ZMAT3: variants seen among roughly 807,000 people sequenced by gnomAD.
ZMAT3 encodes the protein zinc finger matrin-type protein 3.
In ZMAT3, 17 loss-of-function variants were observed where a neutral mutation model predicts 32.3. That is an observed-to-expected ratio of 0.53 (90% confidence interval 0.36 to 0.79). ZMAT3 has a LOEUF of 0.79. Ranked by LOEUF, ZMAT3 falls within the 30% of genes least tolerant of loss-of-function variation. The pLI is 0.00. For missense variants in ZMAT3, 329 were observed against 359.7 expected (o/e 0.91, Z 0.69); for synonymous variants, 120 against 133.1 (o/e 0.90, Z 0.68).
Position 179,027,741 on chromosome 3 carries a change from G to A in ZMAT3, c.462C>T (p.Ala154=), listed in dbSNP as rs764726218. The change falls in exon 4 of 6, where the codon GCC becomes GCT. Residue 154 remains alanine (A), a synonymous_variant. Coordinates refer to ENST00000311417, the MANE Select transcript of ZMAT3 (RefSeq NM_022470.4). ...TENDYCKLCD[A]SFSSPAVAQA... ...GAGCCACAGCTGGGGAACTGAAGGA[G>A]GCATCACAGAGCTTACAGTAATCAT... is the stretch of plus-strand genomic sequence containing the variant. 3.2e-5 allele frequency: 52 copies of A among 1,614,022 alleles called. No homozygotes were observed. Among genetic ancestry groups the A allele is most frequent in the Non-Finnish European group, 4.1e-5 (48 of 1,180,036 alleles).
At chr3:179,047,698 C>CAAA (rs61484439) in intron 2 of ZMAT3, among the ~76,000 whole-genome samples, 143 of 147,490 alleles carry the variant, frequency 9.7e-4, no homozygotes, top group African/African-American at 3.0e-3. Flanking sequence ...ACTAAAAATA[C>CAAA]AAAAAAAAAA....
intron 2 of ZMAT3, 101 bp from the exon 3 acceptor site, chr3:179,031,100 T>G: frequency 9.6e-7 from 1 of 1,037,010 alleles, no homozygotes; most frequent in South Asian, 2.1e-5. Context: ...TATTAAGATA[T>G]TTTGAGAGAG....
chr3:179,043,765 C>G (rs1355224336), intron 2 of ZMAT3, among the ~76,000 whole-genome samples: 1 of 152,158 alleles, frequency 6.6e-6, no homozygotes, highest in East Asian at 1.9e-4. Flanking sequence ...GCAAAAGAAA[C>G]TACCATCAGA....
At chr3:179,065,862 C>T (rs1032845576) in intron 2 of ZMAT3, among the ~76,000 whole-genome samples, 6 of 151,936 alleles carry the variant, frequency 3.9e-5, no homozygotes, top group South Asian at 2.1e-4. Flanking sequence ...GCCAAGATCG[C>T]GCCACTGCAC....
chr3:179,049,724 T>A (rs921092972), intron 2 of ZMAT3, among the ~76,000 whole-genome samples: 1 of 152,018 alleles, frequency 6.6e-6, no homozygotes, highest in African/African-American at 2.4e-5. Context: ...TGGGCATGGT[T>A]GCTCATGCCT....
rs184025836 is a variant in ZMAT3, at chr3:179,056,933, G to A, written c.270+10550C>T. Among the ~76,000 whole-genome samples the A allele has an allele frequency of 5.9e-5, 9 of 152,304 alleles. No homozygotes were observed. In the East Asian group the frequency reaches 1.7e-3, roughly 29 times the overall value. ...GGGGCCATTATACACCTGAACATAG[G>A]AGAAGGAACACCCATTTGTTGTCCC... is the stretch of plus-strand genomic sequence containing the variant. On this transcript the variant is annotated intron_variant, in intron 2 of 5. Transcript: ENST00000311417.
chr3:179,058,688 G>A (rs61798201), intron 2 of ZMAT3, among the ~76,000 whole-genome samples: 36 of 150,764 alleles, frequency 2.4e-4, no homozygotes, highest in Non-Finnish European at 3.9e-4. Context: ...CCCGGGAGGC[G>A]GAGCTTGCAG....
intron 2 of ZMAT3, among the ~76,000 whole-genome samples, chr3:179,043,463 G>A (rs942929750): frequency 7.2e-5 from 11 of 152,130 alleles, no homozygotes; most frequent in African/African-American, 2.4e-4. Context: ...ACAAAAACAA[G>A]AAATGGGGAA....
At chr3:179,032,954 T>C (rs1305522150) in intron 2 of ZMAT3, among the ~76,000 whole-genome samples, 2 of 150,172 alleles carry the variant, frequency 1.3e-5, no homozygotes, top group Non-Finnish European at 3.0e-5. Flanking sequence ...TTGAGGAGCC[T>C]CTCTGCCCGG....
At chr3:179,039,667 C>A (rs996775432) in intron 2 of ZMAT3, among the ~76,000 whole-genome samples, 5 of 152,150 alleles carry the variant, frequency 3.3e-5, no homozygotes, top group Non-Finnish European at 5.9e-5. Context: ...ATCAGAGTGC[C>A]TCCTCTCCAA....
chr3:179,063,811 C>G (rs1033363560), intron 2 of ZMAT3, among the ~76,000 whole-genome samples: 4 of 152,076 alleles, frequency 2.6e-5, no homozygotes, highest in Admixed American at 2.0e-4. Context: ...ATATCCAAAG[C>G]CCTAATTTTA....
intron 2 of ZMAT3, among the ~76,000 whole-genome samples, chr3:179,038,865 C>T (rs139185957): frequency 7.9e-4 from 120 of 152,354 alleles, no homozygotes; most frequent in East Asian, 3.5e-3. Context: ...CCAAATACTG[C>T]GCTTTTCCCA....
chr3:179,066,222 A>AG, intron 2 of ZMAT3, among the ~76,000 whole-genome samples: 1 of 152,284 alleles, frequency 6.6e-6, no homozygotes, highest in Middle Eastern at 3.4e-3. Context: ...TACTGGGGAA[A>AG]GGGGGAAAAC....
Position 179,025,172 on chromosome 3 carries a change from A to T in ZMAT3, c.715T>A (p.Cys239Ser). The T allele has an allele frequency of 6.2e-7, 1 of 1,614,216 alleles. No individual in the cohort carries two copies. The highest frequency in any genetic ancestry group is 8.5e-7 in the Non-Finnish European group (1 of 1,180,034). The change falls in exon 6 of 6, where the codon TGT becomes AGT. Residue 239 changes from cysteine to serine, a missense_variant. Cys to Ser is a moderately radical substitution (Grantham distance 112). Transcript: ENST00000311417. ...RQRIPRDLAMCVTPSGQFYCS... is the reference protein window; with the variant it reads ...RQRIPRDLAMSVTPSGQFYCS... ...TAAAACTGGCCACTTGGAGTAACACACATGGCCAGATCACGTGGAATTCTC... is the reference window on the plus strand; with the variant it reads ...TAAAACTGGCCACTTGGAGTAACACTCATGGCCAGATCACGTGGAATTCTC...
Position 179,071,692 on chromosome 3 carries a change from GC to G in ZMAT3, c.-156del, listed in dbSNP as rs1173382450. The G allele has an allele frequency of 1.3e-5, 2 of 152,666 alleles. No homozygotes were observed. The highest frequency in any genetic ancestry group is 6.5e-5 in the Admixed American group (1 of 15,280). 9.5% of individuals were successfully genotyped at this position (152,666 alleles called of 1,614,324 possible). On this transcript the variant is annotated 5_prime_UTR_variant, in exon 1 of 6. Transcript: ENST00000311417. Reference sequence around the variant, plus strand: ...GCCCGGCTCGGCCCAGCTCGACCCAGCCTCTTCTCGGAGCAACTTTCTCCGC... The same window carrying G: ...GCCCGGCTCGGCCCAGCTCGACCCAGCTCTTCTCGGAGCAACTTTCTCCGC...
chr3:179,051,290 T>C (rs1720542424), intron 2 of ZMAT3, among the ~76,000 whole-genome samples: 1 of 152,158 alleles, frequency 6.6e-6, no homozygotes, highest in African/African-American at 2.4e-5. Context: ...TTCAGCAAAG[T>C]TTTAGGATAC....
At chr3:179,055,225 C>T (rs551955509) in intron 2 of ZMAT3, among the ~76,000 whole-genome samples, 137 of 152,186 alleles carry the variant, frequency 9.0e-4, no homozygotes, top group East Asian at 1.5e-3. Flanking sequence ...AAGAAAGAAA[C>T]GATTTATATT....
intron 3 of ZMAT3, 60 bp downstream of exon 3, chr3:179,030,820 C>T: frequency 6.4e-7 from 1 of 1,565,142 alleles, no homozygotes; most frequent in South Asian, 1.2e-5. Flanking sequence ...CATCTATAAC[C>T]ATTTGTGCAT....
Position 179,020,021 on chromosome 3 carries a change from G to C in ZMAT3, c.*4996C>G, listed in dbSNP as rs757828525. 2.6e-5 allele frequency: 4 copies of C among 152,008 alleles called. No individual in the cohort carries two copies. The highest frequency in any genetic ancestry group is 4.4e-5 in the Non-Finnish European group (3 of 68,018). 9.4% of individuals were successfully genotyped at this position (152,008 alleles called of 1,614,324 possible). A position where few individuals can be genotyped will look rare whatever the true frequency, so the allele number is the denominator to read the frequency against. ...TTCATTTTCAGAATGTATGGTTTCT[G>C]ATCAATAATGACAATAGTTTTACTT... On this transcript the variant is annotated 3_prime_UTR_variant, in exon 6 of 6. Coordinates refer to ENST00000311417, the MANE Select transcript of ZMAT3 (RefSeq NM_022470.4).
Sources: gnomAD v4.1 joint callset for allele counts (sites outside exome capture counted in the v4.1 genomes callset) on GRCh38, gnomAD v4.1.1 for gene constraint, MANE v1.5 for transcripts, NCBI Gene and HGNC (gene_info 2026-07-23, HGNC 2026-07-21) for gene names.